PTPRD: variants seen among roughly 807,000 people sequenced by gnomAD.
PTPRD encodes receptor-type tyrosine-protein phosphatase delta.
In PTPRD, 34 loss-of-function variants were observed where a neutral mutation model predicts 214.5. The ratio of observed to expected loss-of-function variants is 0.16; its 90% CI spans 0.12 to 0.21. The LOEUF (loss-of-function observed/expected upper bound fraction) is 0.21. Among genes scored for constraint, PTPRD ranks in the 10% least tolerant of loss-of-function variants. The pLI is 1.00. For synonymous variants in PTPRD, 1,128 were observed against 845.7 expected (o/e 1.33, Z -5.79); for missense variants, 2,545 against 2,398.7 (o/e 1.06, Z -1.27).
intron 5 of PTPRD, among the ~76,000 whole-genome samples, chr9:9,900,347 C>T (rs1229049663): frequency 6.6e-6 from 1 of 152,200 alleles, no homozygotes; most frequent in East Asian, 1.9e-4. Flanking sequence ...TAAATAATCA[C>T]CCTTAAGTTC....
chr9:9,187,914 T>A (rs1175666710), intron 9 of PTPRD, among the ~76,000 whole-genome samples: 1 of 151,840 alleles, frequency 6.6e-6, no homozygotes, highest in African/African-American at 2.4e-5. Context: ...AATTAAGAGA[T>A]AATTTAAATT....
chr9:9,429,432 C>T (rs1362058503), intron 8 of PTPRD, among the ~76,000 whole-genome samples: 1 of 152,100 alleles, frequency 6.6e-6, no homozygotes, highest in African/African-American at 2.4e-5. Context: ...CAAAAAAAGT[C>T]CATGACCAGA....
chr9:8,870,601 T>C (rs1011047246), intron 11 of PTPRD, among the ~76,000 whole-genome samples: 4 of 151,980 alleles, frequency 2.6e-5, no homozygotes, highest in African/African-American at 7.3e-5. Context: ...CTGGGAAATT[T>C]GTCTGTCAAA....
At chr9:10,376,802 A>G (rs2097737151) in intron 2 of PTPRD, among the ~76,000 whole-genome samples, 1 of 151,864 alleles carries the variant, frequency 6.6e-6, no homozygotes, top group Non-Finnish European at 1.5e-5. Flanking sequence ...TATACTTATG[A>G]GGTACATGAG....
intron 34 of PTPRD, among the ~76,000 whole-genome samples, chr9:8,443,075 G>A (rs1278608155): frequency 6.6e-6 from 1 of 152,184 alleles, no homozygotes; most frequent in African/African-American, 2.4e-5. Context: ...AGCGTGGAAT[G>A]TTGAGGCTAC....
chr9:8,855,219 C>G (rs766759439), intron 11 of PTPRD, among the ~76,000 whole-genome samples: 16 of 151,692 alleles, frequency 1.1e-4, no homozygotes, highest in Non-Finnish European at 2.1e-4. Context: ...ATACAGGCCC[C>G]TAGTGGCTTA....
At chr9:8,452,458 C>G (rs2095998075) in intron 33 of PTPRD, among the ~76,000 whole-genome samples, 1 of 152,114 alleles carries the variant, frequency 6.6e-6, no homozygotes, top group Admixed American at 6.6e-5. Flanking sequence ...ATATAATGGT[C>G]TAAATTAGGC....
chr9:10,572,808 T>C (rs1261208320), intron 2 of PTPRD, among the ~76,000 whole-genome samples: 1 of 152,190 alleles, frequency 6.6e-6, no homozygotes, highest in Non-Finnish European at 1.5e-5. Context: ...GGAAAACTGA[T>C]GTCTCTCTAG....
chr9:9,701,139 T>G (rs1354914874), intron 7 of PTPRD, among the ~76,000 whole-genome samples: 1 of 152,134 alleles, frequency 6.6e-6, no homozygotes, highest in African/African-American at 2.4e-5. Flanking sequence ...TTGAGAGATG[T>G]GTATAACCCA....
At chr9:8,432,084 G>C (rs906297213) in intron 35 of PTPRD, among the ~76,000 whole-genome samples, 1 of 152,132 alleles carries the variant, frequency 6.6e-6, no homozygotes, top group Non-Finnish European at 1.5e-5. Flanking sequence ...TGATCTGTAG[G>C]CGCCAGCCTA....
At chr9:9,077,418 C>T (rs1334629138) in intron 10 of PTPRD, among the ~76,000 whole-genome samples, 1 of 150,418 alleles carries the variant, frequency 6.6e-6, no homozygotes, top group Non-Finnish European at 1.5e-5. Context: ...GATCTATTTC[C>T]TAATGTAGTA....
chr9:9,267,009 G>A (rs1940143678), intron 9 of PTPRD, among the ~76,000 whole-genome samples: 1 of 151,180 alleles, frequency 6.6e-6, no homozygotes, highest in Non-Finnish European at 1.5e-5. Context: ...AAAACTAAGA[G>A]TTCATTTTCT....
chr9:8,946,905 TTCTGTC>T (rs2099068172), intron 11 of PTPRD, among the ~76,000 whole-genome samples: 1 of 151,792 alleles, frequency 6.6e-6, no homozygotes, highest in African/African-American at 2.4e-5. Flanking sequence ...GTCTCTTTCT[TTCTGTC>T]TCTAACTGTG....
At chr9:9,633,511 G>GAA (rs1564190412) in intron 7 of PTPRD, among the ~76,000 whole-genome samples, 4 of 122,352 alleles carry the variant, frequency 3.3e-5, no homozygotes. Context: ...TTAGATGTAA[G>GAA]GTTAAAAGTG....
chr9:8,597,868 T>A (rs1317246881), intron 14 of PTPRD, among the ~76,000 whole-genome samples: 1 of 152,142 alleles, frequency 6.6e-6, no homozygotes, highest in Non-Finnish European at 1.5e-5. Context: ...ATCCCAAATA[T>A]TTATTATTAT....
rs138455641 is a variant in PTPRD at position 9,171,636 on chromosome 9, G to A, written c.-143+11668C>T. Among the ~76,000 whole-genome samples, 416 of 151,832 alleles carry A rather than the reference G, an allele frequency of 2.7e-3. 1 individual carries two copies. The highest frequency in any genetic ancestry group is 9.7e-3 in the African/African-American group (403 of 41,444). On this transcript the variant is annotated intron_variant, in intron 10 of 45. Transcript: ENST00000381196. Reference sequence around the variant, plus strand: ...TGATAGGAATTAGAATTCTATGGGCGTATTTTCTATAAGAGAAGAGAGACT... The same window carrying A: ...TGATAGGAATTAGAATTCTATGGGCATATTTTCTATAAGAGAAGAGAGACT...
At chr9:10,228,994 C>G (rs2099598741) in intron 3 of PTPRD, among the ~76,000 whole-genome samples, 1 of 151,782 alleles carries the variant, frequency 6.6e-6, no homozygotes, top group Non-Finnish European at 1.5e-5. Context: ...TTCAGAAGCA[C>G]TAAGATCAAA....
At chr9:9,923,498 T>C (rs1188978276) in intron 5 of PTPRD, among the ~76,000 whole-genome samples, 2 of 151,284 alleles carry the variant, frequency 1.3e-5, no homozygotes, top group East Asian at 2.0e-4. Flanking sequence ...AAAAAATCGA[T>C]CTCCAAACGA....
intron 7 of PTPRD, among the ~76,000 whole-genome samples, chr9:9,607,552 A>T (rs1203169557): frequency 1.3e-5 from 2 of 152,130 alleles, no homozygotes; most frequent in South Asian, 2.1e-4. Context: ...TGCAAAGTTT[A>T]TATGTCTTCT....
Sources: allele counts gnomAD v4.1 joint callset (sites outside exome capture counted in the v4.1 genomes callset), GRCh38; gene constraint gnomAD v4.1.1; transcripts MANE v1.5; gene names NCBI Gene and HGNC (gene_info 2026-07-23, HGNC 2026-07-21).